Variants in NPEPPS observed in about 807,000 individuals in gnomAD.
NPEPPS encodes aminopeptidase puromycin sensitive.
A neutral mutation model predicts 115.5 loss-of-function variants in NPEPPS; 14 were observed. The observed-to-expected ratio is 0.12, with a 90% CI of 0.08 to 0.19. NPEPPS has a LOEUF of 0.19. Among genes scored for constraint, NPEPPS ranks in the 10% least tolerant of loss-of-function variants. The pLI, the probability that NPEPPS is intolerant of heterozygous loss-of-function variation, is 1.00. For synonymous variants in NPEPPS, 285 were observed against 390.6 expected, an observed-to-expected ratio of 0.73 and a Z score of 3.19; for missense variants, 523 against 1,110.8, an observed-to-expected ratio of 0.47 and a Z score of 7.52.
intron 19 of NPEPPS, among the ~76,000 whole-genome samples, chr17:47,616,638 T>G (rs980977479): frequency 6.6e-6 from 1 of 151,226 alleles, no homozygotes; most frequent in African/African-American, 2.4e-5. Context: ...GAGCCGATAT[T>G]GTGCCATTGC....
intron 2 of NPEPPS, among the ~76,000 whole-genome samples, chr17:47,547,942 C>T (rs1210657548): frequency 6.6e-6 from 1 of 152,124 alleles, no homozygotes; most frequent in African/African-American, 2.4e-5. Context: ...AGGAGAATGG[C>T]GTGAACCCGG....
chr17:47,578,354 T>G (rs1488426701), intron 3 of NPEPPS, among the ~76,000 whole-genome samples: 2 of 152,192 alleles, frequency 1.3e-5, no homozygotes, highest in Non-Finnish European at 2.9e-5. Context: ...TATCTTTGAT[T>G]TGTTAGACTT....
At chr17:47,612,745 C>G (rs920865785) in intron 18 of NPEPPS, 143 bp downstream of exon 18, 1 of 693,310 alleles carries the variant, frequency 1.4e-6, no homozygotes, top group Non-Finnish European at 2.3e-6. Flanking sequence ...CTCACTGCAG[C>G]CTCTGTCCCC....
intron 2 of NPEPPS, among the ~76,000 whole-genome samples, chr17:47,550,397 G>A (rs1309895750): frequency 5.4e-5 from 8 of 146,976 alleles, no homozygotes; most frequent in African/African-American, 7.5e-5. Context: ...GCGCAATGTC[G>A]GCTCACTGCA....
chr17:47,566,757 T>C (rs1476325423), intron 2 of NPEPPS, among the ~76,000 whole-genome samples: 1 of 152,086 alleles, frequency 6.6e-6, no homozygotes, highest in Non-Finnish European at 1.5e-5. Context: ...GAAGTGATTC[T>C]TGTCAAATTT....
Position 47,531,554 on chromosome 17 carries a change from A to G in NPEPPS, c.254A>G (p.Gln85Arg), listed in dbSNP as rs752623748. The change falls in exon 1 of 23, where the codon CAG (glutamine) becomes CGG (arginine). Residue 85 changes from glutamine to arginine, a missense_variant and splice_region_variant. Physicochemically the swap from Gln to Arg is conservative, Grantham distance 43. Around this residue, in one of 4 missense-constraint regions of NPEPPS, gnomAD observed 144 missense variants for 512.4 expected, o/e 0.28. Coordinates refer to ENST00000322157, the MANE Select transcript of NPEPPS (RefSeq NM_006310.4). ...GAGGGCAAGCTGGAGGCCGCCGCCC[A>G]GGTACAGCGACCCTCGGGCCCCGGG... ...TFEGKLEAAA[Q>R]VRQATNQIVM... The G allele has an allele frequency of 2.5e-6, 4 of 1,600,884 alleles. No homozygotes were observed. Among genetic ancestry groups the G allele is most frequent in the Non-Finnish European group, 3.4e-6 (4 of 1,175,528 alleles).
intron 1 of NPEPPS, among the ~76,000 whole-genome samples, chr17:47,537,642 G>C (rs181867269): frequency 1.3e-5 from 2 of 151,880 alleles, no homozygotes; most frequent in East Asian, 3.9e-4. Flanking sequence ...CGGAGGTTGC[G>C]GTGAGCTGAG....
At chr17:47,524,770 C>T (rs1907363302) in intron 1 of NPEPPS, among the ~76,000 whole-genome samples, 1 of 150,816 alleles carries the variant, frequency 6.6e-6, no homozygotes. Context: ...TCCCAAAGTG[C>T]TGGGATTACA....
At position 47,602,346 on chromosome 17, in the gene NPEPPS, G is replaced by A. The variant is rs545720432; in HGVS notation, c.1740+599G>A. Among the ~76,000 whole-genome samples the A allele has an allele frequency of 3.3e-5, 5 of 151,886 alleles. No homozygotes were observed. The South Asian group carries it at 6.2e-4, about 19-fold the overall frequency. ...GCTTTTTTTTAAAAAAAAGCCCGCC[G>A]AACGCTGTGGTAGCACTTTGGGAGG... On this transcript the variant is annotated intron_variant, in intron 15 of 22. Transcript: ENST00000322157.
chr17:47,612,633 A>G (rs1434949101), intron 18 of NPEPPS, 31 bp downstream of exon 18: 2 of 1,551,460 alleles, frequency 1.3e-6, no homozygotes, highest in South Asian at 1.2e-5. Flanking sequence ...CCCTTGACTT[A>G]TAGGTAACAT....
intron 20 of NPEPPS, 101 bp from the exon 21 acceptor site, chr17:47,618,908 T>C: frequency 9.9e-7 from 1 of 1,007,792 alleles, no homozygotes; most frequent in Non-Finnish European, 1.5e-6. Flanking sequence ...AAGGAATAAG[T>C]GTCTTCAGTG....
Position 47,590,740 on chromosome 17 carries a change from A to G in NPEPPS, c.1119A>G (p.Leu373=). ...VTMEWWTHLW[L]NEGFASWIEY... ...AGGAATGGTGGACTCATCTTTGGTTAAATGAAGGTTTTGCATCCTGGATTG... is the reference window on the plus strand; with the variant it reads ...AGGAATGGTGGACTCATCTTTGGTTGAATGAAGGTTTTGCATCCTGGATTG... The change falls in exon 10 of 23, where the codon TTA becomes TTG. Residue 373 remains leucine (L), a synonymous_variant. Coordinates refer to ENST00000322157, the MANE Select transcript of NPEPPS (RefSeq NM_006310.4). 1 of 1,599,558 alleles carries G rather than the reference A, an allele frequency of 6.3e-7. No individual in the cohort carries two copies. The highest frequency in any genetic ancestry group is 2.2e-5 in the East Asian group (1 of 44,818).
chr17:47,525,468 C>T (rs376642184), intron 1 of NPEPPS, among the ~76,000 whole-genome samples: 4 of 152,040 alleles, frequency 2.6e-5, no homozygotes, highest in Admixed American at 6.6e-5. Flanking sequence ...CTCAGCCTCC[C>T]GAGTAGCTGG....
upstream of NPEPPS, among the ~76,000 whole-genome samples, chr17:47,527,904 T>C (rs1373721752): frequency 1.4e-5 from 2 of 144,080 alleles, no homozygotes; most frequent in East Asian, 2.2e-4. Context: ...GCCAATATCA[T>C]GCCATTGCAA....
chr17:47,550,625 T>A (rs747793583), intron 2 of NPEPPS, among the ~76,000 whole-genome samples: 14 of 130,022 alleles, frequency 1.1e-4, no homozygotes, highest in Middle Eastern at 8.1e-3. Context: ...TATATATATA[T>A]ATATAATTTT....
chr17:47,567,041 C>A (rs533808859), intron 2 of NPEPPS, among the ~76,000 whole-genome samples: 2 of 152,112 alleles, frequency 1.3e-5, no homozygotes, highest in Non-Finnish European at 2.9e-5. Context: ...GATAGCGCCA[C>A]TGTACTCCAG....
At chr17:47,528,226 C>T (rs1597799500), upstream of NPEPPS, among the ~76,000 whole-genome samples, 1 of 151,946 alleles carries the variant, frequency 6.6e-6, no homozygotes, top group Admixed American at 6.6e-5. Flanking sequence ...TGCTTGAACC[C>T]ATGAGGTGGA....
intron 3 of NPEPPS, among the ~76,000 whole-genome samples, chr17:47,573,544 G>C (rs1911325698): frequency 6.6e-6 from 1 of 152,140 alleles, no homozygotes; most frequent in African/African-American, 2.4e-5. Flanking sequence ...ACAGTGAAGA[G>C]AAAATGTCTA....
chr17:47,621,828 A>C lies in NPEPPS; in HGVS notation c.2668A>C (p.Asn890His), dbSNP rs757816506. ...GCGTACCATCCAGCAGTGTTGTGAAAATATTCTGCTGAATGCTGCCTGGCT... is the reference window on the plus strand; with the variant it reads ...GCGTACCATCCAGCAGTGTTGTGAACATATTCTGCTGAATGCTGCCTGGCT... ...AERTIQQCCE[N>H]ILLNAAWLKR... Residue 890 changes from asparagine to histidine, a missense_variant, in exon 23 of 23, where the codon AAT (asparagine) becomes CAT (histidine). Asn to His is a moderately conservative substitution (Grantham distance 68, BLOSUM62 1). Transcript: ENST00000322157. 5.6e-6 allele frequency: 9 copies of C among 1,613,966 alleles called. No individual in the cohort carries two copies. Among genetic ancestry groups the C allele is most frequent in the Non-Finnish European group, 7.6e-6 (9 of 1,179,858 alleles).
Sources: gnomAD v4.1 joint callset for allele counts (sites outside exome capture counted in the v4.1 genomes callset) on GRCh38, gnomAD v4.1.1 for gene constraint, gnomAD v4.1.1 regional missense constraint, MANE v1.5 for transcripts, NCBI Gene and HGNC (gene_info 2026-07-23, HGNC 2026-07-21) for gene names.